ITGA9: variants seen among roughly 807,000 people sequenced by gnomAD.
ITGA9 encodes integrin subunit alpha 9, also known as integrin alpha-9.
ITGA9 carries 56 observed loss-of-function variants against 127.8 expected under a neutral mutation model. That is an observed-to-expected ratio of 0.44 (90% CI 0.35 to 0.55). The LOEUF is 0.55. ITGA9 is among the 20% of genes least tolerant of loss of function. The pLI, the probability that ITGA9 is intolerant of heterozygous loss-of-function variation, is 0.00. For synonymous variants in ITGA9, 508 were observed against 514.5 expected, an observed-to-expected ratio of 0.99 and a Z score of 0.17; for missense variants, 1,196 against 1,347.1, an observed-to-expected ratio of 0.89 and a Z score of 1.76.
chr3:37,554,583 G>A (rs1172667607), intron 15 of ITGA9, among the ~76,000 whole-genome samples: 1 of 152,114 alleles, frequency 6.6e-6, no homozygotes, highest in East Asian at 1.9e-4. Flanking sequence ...AGAGCAGCAG[G>A]AACGGGGTTA....
In ITGA9 at chr3:37,605,096, C is replaced by T. The variant is rs947715688; in HGVS notation, c.1690-24091C>T. On this transcript the variant is annotated intron_variant, in intron 15 of 27. Transcript: ENST00000264741. ...GCTATGAGGGGAATAGCCAGGGTGACATGTTTGAGAAGGGGTCAGTACTGC... is the reference window on the plus strand; with the variant it reads ...GCTATGAGGGGAATAGCCAGGGTGATATGTTTGAGAAGGGGTCAGTACTGC... Among the ~76,000 whole-genome samples the T allele has an allele frequency of 2.0e-5, 3 of 152,042 alleles. No homozygotes were observed. The South Asian group carries it at 6.2e-4, about 32-fold the overall frequency.
chr3:37,812,744 T>C (rs1356168932), intron 27 of ITGA9, among the ~76,000 whole-genome samples: 1 of 152,256 alleles, frequency 6.6e-6, no homozygotes, highest in Non-Finnish European at 1.5e-5. Context: ...AGGGTTTCTA[T>C]GTTTCTTCTG....
chr3:37,500,167 C>T (rs1698773759), intron 5 of ITGA9, among the ~76,000 whole-genome samples: 1 of 152,218 alleles, frequency 6.6e-6, no homozygotes, highest in Non-Finnish European at 1.5e-5. Flanking sequence ...GAACTTATTT[C>T]TGTTTTTTGT....
rs545770571 is a variant in ITGA9 at position 37,466,173 on chromosome 3, T to C, written c.186-4834T>C. ...CTAATTAGAAGTTTAGAGTCCTGCA[T>C]TGATGAGAGGACCTAAAAGGCTTAT... On this transcript the variant is annotated intron_variant, in intron 1 of 27. Transcript: ENST00000264741. Among the ~76,000 whole-genome samples, 3 of 152,128 alleles carry C rather than the reference T, an allele frequency of 2.0e-5. No homozygotes were observed. In the South Asian group the frequency reaches 6.2e-4, roughly 32 times the overall value.
chr3:37,725,630 C>T (rs573925340), intron 18 of ITGA9, among the ~76,000 whole-genome samples: 66 of 152,246 alleles, frequency 4.3e-4, no homozygotes, highest in African/African-American at 1.5e-3. Context: ...CCAGTTTCCT[C>T]CTCATAAAAA....
rs1699285300 is a variant in ITGA9 at position 37,542,561 on chromosome 3, T to C, written c.1665T>C (p.Cys555=). Residue 555 remains cysteine, a synonymous_variant, in exon 15 of 28, where the codon TGT becomes TGC. Coordinates refer to ENST00000264741, the MANE Select transcript of ITGA9 (RefSeq NM_002207.3). ...KLQLTYMEET[C]RHYVAHVKRR... ...AGCTGACTTACATGGAGGAGACGTG[T>C]CGTCACTATGTGGCCCATGTGAAGG... is the stretch of plus-strand genomic sequence containing the variant. 3.7e-6 allele frequency: 6 copies of C among 1,614,216 alleles called. No individual in the cohort carries two copies. Among genetic ancestry groups the C allele is most frequent in the Non-Finnish European group, 5.1e-6 (6 of 1,180,034 alleles).
At chr3:37,495,641 C>T (rs1381513234) in intron 5 of ITGA9, among the ~76,000 whole-genome samples, 2 of 152,178 alleles carry the variant, frequency 1.3e-5, no homozygotes, top group African/African-American at 4.8e-5. Context: ...ACCACCATCA[C>T]CTGGAGGTAC....
chr3:37,763,013 A>G (rs1485511492), intron 23 of ITGA9, among the ~76,000 whole-genome samples: 2 of 152,222 alleles, frequency 1.3e-5, no homozygotes, highest in Non-Finnish European at 2.9e-5. Context: ...CCTCACCACA[A>G]GAGGCTGTTG....
chr3:37,503,370 C>T, intron 6 of ITGA9, 63 bp downstream of exon 6: 1 of 1,569,978 alleles, frequency 6.4e-7, no homozygotes. Context: ...ACCAGATTCA[C>T]AAATTATTGC....
intron 16 of ITGA9, among the ~76,000 whole-genome samples, chr3:37,642,431 T>C (rs981818965): frequency 2.0e-5 from 3 of 152,172 alleles, no homozygotes; most frequent in Admixed American, 6.5e-5. Flanking sequence ...AAATAGTAAA[T>C]AGTTGAAAGA....
At chr3:37,537,557 C>T (rs557478499) in intron 14 of ITGA9, among the ~76,000 whole-genome samples, 60 of 152,324 alleles carry the variant, frequency 3.9e-4, no homozygotes, top group African/African-American at 1.4e-3. Flanking sequence ...TTCAATCAAA[C>T]AATAATAATT....
chr3:37,466,170 G>A (rs946830630), intron 1 of ITGA9, among the ~76,000 whole-genome samples: 22 of 151,994 alleles, frequency 1.4e-4, no homozygotes, highest in African/African-American at 5.3e-4. Context: ...TTAGAGTCCT[G>A]CATTGATGAG....
chr3:37,609,366 G>A (rs977488502), intron 15 of ITGA9, among the ~76,000 whole-genome samples: 7 of 152,158 alleles, frequency 4.6e-5, no homozygotes, highest in East Asian at 1.9e-4. Context: ...TCCCCATGAC[G>A]CAAGACAGTA....
intron 15 of ITGA9, among the ~76,000 whole-genome samples, chr3:37,618,641 C>T (rs184039252): frequency 6.6e-6 from 1 of 152,338 alleles, no homozygotes; most frequent in Admixed American, 6.5e-5. Flanking sequence ...CTTTGTTAAC[C>T]TAGTCAAGCC....
At chr3:37,672,849 T>C (rs1464282668) in intron 17 of ITGA9, among the ~76,000 whole-genome samples, 1 of 151,864 alleles carries the variant, frequency 6.6e-6, no homozygotes. Flanking sequence ...TTCTCTAATA[T>C]ATTTAGAATT....
intron 15 of ITGA9, among the ~76,000 whole-genome samples, chr3:37,578,354 G>A (rs75665162): frequency 0.021 from 3,199 of 152,258 alleles, 94 homozygotes; most frequent in African/African-American, 0.071. Flanking sequence ...GGAGAAGCTT[G>A]CCTCCTTCAG....
At chr3:37,723,658 T>A (rs1274955781) in intron 18 of ITGA9, among the ~76,000 whole-genome samples, 1 of 152,180 alleles carries the variant, frequency 6.6e-6, no homozygotes, top group African/African-American at 2.4e-5. Flanking sequence ...CACTGTGCCC[T>A]GCCAGTTATT....
chr3:37,631,929 C>A (rs571321677), intron 16 of ITGA9, among the ~76,000 whole-genome samples: 1 of 152,184 alleles, frequency 6.6e-6, no homozygotes. Flanking sequence ...TGGGCGGCCT[C>A]GTTCTCAGAG....
At chr3:37,521,472 G>A (rs1170781439) in intron 11 of ITGA9, among the ~76,000 whole-genome samples, 7 of 152,174 alleles carry the variant, frequency 4.6e-5, no homozygotes, top group African/African-American at 1.2e-4. Context: ...GAGCCCTCTG[G>A]GCATATGGCG....
Sources: allele counts gnomAD v4.1 joint callset (sites outside exome capture counted in the v4.1 genomes callset), GRCh38; gene constraint gnomAD v4.1.1; transcripts MANE v1.5; gene names NCBI Gene and HGNC (gene_info 2026-07-23, HGNC 2026-07-21).